Variants in IQUB observed in about 807,000 individuals in gnomAD.
IQUB encodes IQ motif and ubiquitin domain containing.
A neutral mutation model predicts 86.4 loss-of-function variants in IQUB; 86 were observed. That is an observed-to-expected ratio of 1.00 (90% confidence interval 0.84 to 1.19). The LOEUF (loss-of-function observed/expected upper bound fraction) is 1.19, where lower values mean the gene tolerates loss of function less well. IQUB is among the 50% of genes most tolerant of loss of function. The pLI, the probability that IQUB is intolerant of heterozygous loss-of-function variation, is 0.00. For missense variants in IQUB, 946 were observed against 916.9 expected, an observed-to-expected ratio of 1.03 and a Z score of -0.41; for synonymous variants, 289 against 304.5, an observed-to-expected ratio of 0.95 and a Z score of 0.53.
intron 3 of IQUB, among the ~76,000 whole-genome samples, chr7:123,506,314 C>G (rs1362023323): frequency 6.6e-6 from 1 of 152,232 alleles, no homozygotes; most frequent in Non-Finnish European, 1.5e-5. Flanking sequence ...TCCAAAGCTG[C>G]TTCCATATTT....
chr7:123,493,573 G>C (rs1795567157), intron 7 of IQUB, among the ~76,000 whole-genome samples: 1 of 152,060 alleles, frequency 6.6e-6, no homozygotes, highest in Non-Finnish European at 1.5e-5. Context: ...TGTTGGAGTG[G>C]ATGACAGCAA....
At chr7:123,477,148 A>G (rs1264386848) in intron 8 of IQUB, among the ~76,000 whole-genome samples, 4 of 152,212 alleles carry the variant, frequency 2.6e-5, no homozygotes, top group Non-Finnish European at 4.4e-5. Context: ...CTAAGCAAAG[A>G]GAACAAAGCT....
chr7:123,498,031 T>C (rs1344283045), intron 6 of IQUB, among the ~76,000 whole-genome samples: 3 of 151,190 alleles, frequency 2.0e-5, no homozygotes, highest in Non-Finnish European at 4.4e-5. Flanking sequence ...TATTTGTCCC[T>C]AGGCAAGAGT....
chr7:123,498,899 TAGG>T (rs1454973675), intron 6 of IQUB, among the ~76,000 whole-genome samples: 1 of 152,062 alleles, frequency 6.6e-6, no homozygotes, highest in Non-Finnish European at 1.5e-5. Flanking sequence ...TTTATTACAA[TAGG>T]AGAAGGGAAA....
At chr7:123,523,741 C>A (rs1392723785) in intron 1 of IQUB, among the ~76,000 whole-genome samples, 1 of 152,080 alleles carries the variant, frequency 6.6e-6, no homozygotes, top group African/African-American at 2.4e-5. Context: ...ACTTTTGTTG[C>A]CATTGCTTTT....
At chr7:123,486,642 C>T (rs1457017128) in intron 7 of IQUB, among the ~76,000 whole-genome samples, 2 of 152,036 alleles carry the variant, frequency 1.3e-5, no homozygotes, top group Non-Finnish European at 2.9e-5. Flanking sequence ...AAACATGAAT[C>T]CTTTTTATAA....
At chr7:123,462,839 T>C (rs79983462) in intron 10 of IQUB, 10,782 of 455,098 alleles carry the variant, frequency 0.024, 169 homozygotes, top group Middle Eastern at 0.042. Context: ...CCATCTGAAA[T>C]TGTGCAAGAA....
At position 123,457,373 on chromosome 7, in the gene IQUB, T is replaced by C; in HGVS notation, c.2193+8A>G. On this transcript the variant is annotated splice_region_variant and intron_variant, in intron 12 of 12. Transcript: ENST00000324698. Reference sequence around the variant, plus strand: ...ATTAACTTCCCAAATAAAATTCAACTTTCTTACCTCTTCAATACTTGTTAG... The same window carrying C: ...ATTAACTTCCCAAATAAAATTCAACCTTCTTACCTCTTCAATACTTGTTAG... The C allele has an allele frequency of 6.2e-7, 1 of 1,604,716 alleles. No homozygotes were observed. The highest frequency in any genetic ancestry group is 8.5e-7 in the Non-Finnish European group (1 of 1,176,798).
chr7:123,469,100 C>T, intron 9 of IQUB, 114 bp downstream of exon 9: 1 of 741,362 alleles, frequency 1.3e-6, no homozygotes, highest in Non-Finnish European at 2.0e-6. Context: ...ACATCCTTCC[C>T]AAATTATACC....
chr7:123,501,644 A>G (rs978546500), intron 6 of IQUB: 5 of 152,218 alleles, frequency 3.3e-5, no homozygotes, highest in African/African-American at 1.2e-4. Context: ...TATACAACCA[A>G]GGTGCTGAAC....
intron 9 of IQUB, among the ~76,000 whole-genome samples, chr7:123,465,290 T>C (rs979060264): frequency 1.6e-4 from 25 of 151,790 alleles, no homozygotes; most frequent in Non-Finnish European, 2.9e-4. Flanking sequence ...TTCTGTCAAA[T>C]AAAATTCAAG....
chr7:123,518,832 G>T (rs188338891), intron 1 of IQUB, among the ~76,000 whole-genome samples: 14 of 152,140 alleles, frequency 9.2e-5, no homozygotes, highest in Non-Finnish European at 1.6e-4. Flanking sequence ...GACCTCAGGT[G>T]ATCTGCCCAC....
intron 8 of IQUB, among the ~76,000 whole-genome samples, chr7:123,473,486 T>C (rs1471969550): frequency 6.6e-6 from 1 of 152,176 alleles, no homozygotes; most frequent in African/African-American, 2.4e-5. Context: ...CAAAGATATA[T>C]TAGAAACCAG....
chr7:123,513,076 A>T (rs936050110), intron 1 of IQUB, among the ~76,000 whole-genome samples: 1 of 152,146 alleles, frequency 6.6e-6, no homozygotes, highest in Non-Finnish European at 1.5e-5. Flanking sequence ...TAGCCCCCAG[A>T]CCAGATTTCT....
chr7:123,502,829 T>C, intron 5 of IQUB, 77 bp from the exon 6 acceptor site: 1 of 1,371,492 alleles, frequency 7.3e-7, no homozygotes, highest in Non-Finnish European at 1.0e-6. Flanking sequence ...ATATGTGAGT[T>C]CATTTTCTTT....
intron 1 of IQUB, among the ~76,000 whole-genome samples, chr7:123,533,874 CTTA>C (rs1387545482): frequency 6.6e-6 from 1 of 152,158 alleles, no homozygotes; most frequent in Non-Finnish European, 1.5e-5. Flanking sequence ...ATGTTTAAAT[CTTA>C]TTGTTTAAAA....
intron 1 of IQUB, among the ~76,000 whole-genome samples, chr7:123,532,135 C>T (rs570277124): frequency 3.3e-5 from 5 of 152,168 alleles, no homozygotes; most frequent in Admixed American, 2.0e-4. Context: ...GGATTTGAAC[C>T]CAGGAATTCT....
At position 123,473,256 on chromosome 7, in the gene IQUB, A is replaced by G. The variant is rs114973009; in HGVS notation, c.1411-3872T>C. On this transcript the variant is annotated intron_variant, in intron 8 of 12. Coordinates refer to ENST00000324698, the MANE Select transcript of IQUB (RefSeq NM_178827.5). ...CACTCTTATTTCATGCAGAGTTCAG[A>G]AAGAGGCCATGGCACTTTCCTGCCC... Among the ~76,000 whole-genome samples, 664 of 152,326 alleles carry G rather than the reference A, an allele frequency of 4.4e-3. 6 individuals carry two copies. Among genetic ancestry groups the G allele is most frequent in the African/African-American group, 0.015 (633 of 41,568 alleles).
intron 11 of IQUB, among the ~76,000 whole-genome samples, chr7:123,458,452 AT>A (rs1793821295): frequency 6.6e-6 from 1 of 152,062 alleles, no homozygotes; most frequent in African/African-American, 2.4e-5. Context: ...CTACAACAGT[AT>A]TTCATAAATT....
Sources: gnomAD v4.1 joint callset for allele counts (sites outside exome capture counted in the v4.1 genomes callset) on GRCh38, gnomAD v4.1.1 for gene constraint, MANE v1.5 for transcripts, NCBI Gene and HGNC (gene_info 2026-07-23, HGNC 2026-07-21) for gene names.